Variants in PNKD observed in about 807,000 individuals in gnomAD.
PNKD encodes the protein probable thioesterase PNKD.
PNKD carries 36 observed loss-of-function variants against 45.3 expected under a neutral mutation model. The observed-to-expected ratio is 0.80, with a 90% CI of 0.61 to 1.05. The LOEUF is 1.05. Ranked by LOEUF, PNKD falls within the 50% of genes least tolerant of loss-of-function variation. The pLI is 0.00. For missense variants in PNKD, 511 were observed against 506.6 expected (o/e 1.01, Z -0.08); for synonymous variants, 197 against 210.1 (o/e 0.94, Z 0.54).
At chr2:218,290,184 A>AC (rs1692841610) in intron 2 of PNKD, 1 of 152,226 alleles carries the variant, frequency 6.6e-6, no homozygotes, top group African/African-American at 2.4e-5. Context: ...GACTCTTGAG[A>AC]AACAATCCAC....
chr2:218,298,025 T>C (rs1693189896), intron 2 of PNKD, among the ~76,000 whole-genome samples: 1 of 147,908 alleles, frequency 6.8e-6, no homozygotes, highest in Non-Finnish European at 1.5e-5. Context: ...GAGAGAGAAA[T>C]CATACTGCAT....
chr2:218,334,742 T>G (rs1192298876), intron 2 of PNKD: 2 of 702,908 alleles, frequency 2.8e-6, no homozygotes, highest in Non-Finnish European at 5.2e-6. Flanking sequence ...GCAAATGATG[T>G]CTATATATTG....
intron 8 of PNKD, 122 bp downstream of exon 8, chr2:218,343,708 C>A: frequency 1.4e-6 from 1 of 736,558 alleles, no homozygotes. Context: ...AGAAGCGACA[C>A]AGCTCCACCT....
At chr2:218,344,680 CT>C in intron 9 of PNKD, 110 bp downstream of exon 9, 1 of 1,388,588 alleles carries the variant, frequency 7.2e-7, no homozygotes, top group Non-Finnish European at 1.0e-6. Flanking sequence ...ACTCTGACCT[CT>C]TTGGCCCATG....
intron 2 of PNKD, chr2:218,277,942 G>T: frequency 6.2e-7 from 1 of 1,614,184 alleles, no homozygotes; most frequent in East Asian, 2.2e-5. Context: ...TACAAAAAGG[G>T]TCAGCAGAAT....
At chr2:218,331,060 G>C (rs530342488) in intron 2 of PNKD, among the ~76,000 whole-genome samples, 1 of 152,350 alleles carries the variant, frequency 6.6e-6, no homozygotes, top group South Asian at 2.1e-4. Context: ...TAAGAAACCA[G>C]GGGCCATAAC....
chr2:218,318,087 A>C (rs1288252388), intron 2 of PNKD: 1 of 152,350 alleles, frequency 6.6e-6, no homozygotes, highest in Non-Finnish European at 1.5e-5. Context: ...GCCACGGTGC[A>C]AAGATGGAGG....
chr2:218,303,843 G>A (rs1331821273), intron 2 of PNKD, among the ~76,000 whole-genome samples: 3 of 151,866 alleles, frequency 2.0e-5, no homozygotes, highest in African/African-American at 7.3e-5. Context: ...CAAAGTGCTG[G>A]GATTACAGGT....
At chr2:218,289,108 C>A (rs1214799347) in intron 2 of PNKD, among the ~76,000 whole-genome samples, 1 of 152,214 alleles carries the variant, frequency 6.6e-6, no homozygotes, top group South Asian at 2.1e-4. Flanking sequence ...CACGCACCTG[C>A]GTGAATAGGC....
Position 218,313,271 on chromosome 2 carries a change from C to T in PNKD, c.237-26512C>T, listed in dbSNP as rs571369491. On this transcript the variant is annotated intron_variant, in intron 2 of 9. Coordinates refer to ENST00000273077, the MANE Select transcript of PNKD (RefSeq NM_015488.5). ...GACTACAGGTGTACACCATCATGCC[C>T]GGCTAATTTTTGTATTTTTAGTAGA... Among the ~76,000 whole-genome samples, 192 of 152,102 alleles carry T rather than the reference C, an allele frequency of 1.3e-3. 1 individual carries two copies. Among genetic ancestry groups the T allele is most frequent in the African/African-American group, 4.5e-3 (186 of 41,476 alleles).
chr2:218,282,198 GA>G, intron 2 of PNKD: 10 of 1,364,084 alleles, frequency 7.3e-6, no homozygotes, highest in Non-Finnish European at 9.7e-6. Flanking sequence ...TGGGAGAGGA[GA>G]AAAGCAATCG....
At chr2:218,284,922 T>G (rs1443103687) in intron 2 of PNKD, among the ~76,000 whole-genome samples, 1 of 152,106 alleles carries the variant, frequency 6.6e-6, no homozygotes, top group Non-Finnish European at 1.5e-5. Context: ...AAACCCCGTC[T>G]CTACTAAAAA....
chr2:218,298,391 TAGAC>T (rs1693197349), intron 2 of PNKD, among the ~76,000 whole-genome samples: 1 of 152,202 alleles, frequency 6.6e-6, no homozygotes, highest in South Asian at 2.1e-4. Flanking sequence ...GCTTTGGTGA[TAGAC>T]AGTCCTGGGT....
intron 2 of PNKD, chr2:218,289,826 CT>C (rs1480343320): frequency 6.6e-6 from 1 of 152,188 alleles, no homozygotes; most frequent in African/African-American, 2.4e-5. Context: ...CAGTATGGGG[CT>C]GTCCACACCC....
intron 2 of PNKD, among the ~76,000 whole-genome samples, chr2:218,278,749 C>T (rs567342415): frequency 2.0e-5 from 3 of 152,328 alleles, no homozygotes; most frequent in Admixed American, 6.5e-5. Flanking sequence ...CACCAGGCTC[C>T]GGCCAGGAAG....
intron 2 of PNKD, among the ~76,000 whole-genome samples, chr2:218,305,285 C>T (rs1693376888): frequency 6.6e-6 from 1 of 151,926 alleles, no homozygotes; most frequent in African/African-American, 2.4e-5. Context: ...GAGGGAGAGA[C>T]AAACAAGTGG....
rs572270979 is a variant in PNKD, at chr2:218,335,404, C to T, written c.237-4379C>T. Among the ~76,000 whole-genome samples, 5 of 152,024 alleles carry T rather than the reference C, an allele frequency of 3.3e-5. No homozygotes were observed. In the South Asian group the frequency reaches 6.2e-4, roughly 19 times the overall value. On this transcript the variant is annotated intron_variant, in intron 2 of 9. Coordinates refer to ENST00000273077, the MANE Select transcript of PNKD (RefSeq NM_015488.5). ...GCTGAGGCAGGAGAATTGCTTGAAC[C>T]TGGGAGGTGGAGGTTGCGGTGAGCC...
At chr2:218,328,058 TC>T (rs1694208637) in intron 2 of PNKD, 3 of 151,914 alleles carry the variant, frequency 2.0e-5, no homozygotes, top group Admixed American at 2.0e-4. Flanking sequence ...TCTCATGAAG[TC>T]CAAGTCCATT....
In PNKD at chr2:218,326,605, G is replaced by C. The variant is rs1385366213; in HGVS notation, c.237-13178G>C. On this transcript the variant is annotated intron_variant, in intron 2 of 9. Transcript: ENST00000273077. This position sits in a 1 kb window ranked among gnomAD's most constrained non-coding sequence, Gnocchi z 4.1. ...AAATACACAGGGCCTGGCTCAAAAA[G>C]AGTGTTCAGGAAATGTTAGCAGGTG... Among the ~76,000 whole-genome samples the C allele has an allele frequency of 6.6e-6, 1 of 152,186 alleles. No individual in the cohort carries two copies. Among genetic ancestry groups the C allele is most frequent in the Non-Finnish European group, 1.5e-5 (1 of 68,040 alleles).
Sources: allele counts gnomAD v4.1 joint callset (sites outside exome capture counted in the v4.1 genomes callset), GRCh38; gene constraint gnomAD v4.1.1; non-coding constraint Gnocchi (gnomAD v3.1); transcripts MANE v1.5; gene names NCBI Gene and HGNC (gene_info 2026-07-23, HGNC 2026-07-21).